Variants in RFX3 observed in about 807,000 individuals in gnomAD.
RFX3 encodes transcription factor RFX3.
Under a neutral mutation model 98.6 loss-of-function variants are expected in RFX3, and 14 were observed. The ratio of observed to expected loss-of-function variants is 0.14; its 90% CI spans 0.09 to 0.22. RFX3 has a LOEUF of 0.22. RFX3 is among the 10% of genes least tolerant of loss of function. RFX3 has a pLI of 1.00. For missense variants in RFX3, 639 were observed against 926.9 expected (o/e 0.69, Z 4.03); for synonymous variants, 383 against 328.4 (o/e 1.17, Z -1.80).
At chr9:3,243,417 A>G (rs1008320078) in intron 15 of RFX3, among the ~76,000 whole-genome samples, 1 of 151,974 alleles carries the variant, frequency 6.6e-6, no homozygotes, top group Non-Finnish European at 1.5e-5. Flanking sequence ...TTACAGGAAA[A>G]CTTCTTGGGA....
chr9:3,397,544 C>T (rs1841016537), intron 1 of RFX3, among the ~76,000 whole-genome samples: 1 of 152,152 alleles, frequency 6.6e-6, no homozygotes, highest in African/African-American at 2.4e-5. Context: ...GACAATGCAT[C>T]TATTCTTCTT....
Position 3,233,218 on chromosome 9 carries a change from T to C in RFX3, c.1969-4329A>G, listed in dbSNP as rs79300867. Among the ~76,000 whole-genome samples, 367 of 152,266 alleles carry C rather than the reference T, an allele frequency of 2.4e-3. 9 individuals carry two copies. The East Asian group carries it at 0.059, about 25-fold the overall frequency. ...TAAGACTAGCAATGTCCATGAAGTA[T>C]AAGTGGGCAACAGCTTAGCACAGCC... On this transcript the variant is annotated intron_variant, in intron 15 of 16. Coordinates refer to ENST00000617270, the MANE Select transcript of RFX3 (RefSeq NM_001282116.2).
At chr9:3,244,854 C>A (rs185739350) in intron 15 of RFX3, among the ~76,000 whole-genome samples, 6 of 152,138 alleles carry the variant, frequency 3.9e-5, no homozygotes, top group Non-Finnish European at 5.9e-5. Flanking sequence ...CTAAGCTCCT[C>A]GAAGGCTGGG....
intron 1 of RFX3, among the ~76,000 whole-genome samples, chr9:3,507,639 G>T (rs1027458177): frequency 6.6e-6 from 1 of 151,742 alleles, no homozygotes; most frequent in Non-Finnish European, 1.5e-5. Flanking sequence ...CTTAAAAAAG[G>T]GTGCCCAACT....
intron 13 of RFX3, among the ~76,000 whole-genome samples, 163 bp downstream of exon 13, chr9:3,262,772 A>G (rs113195423): frequency 4.3e-4 from 65 of 152,348 alleles, no homozygotes; most frequent in African/African-American, 1.4e-3. Flanking sequence ...ACATGGGAGC[A>G]CTACAGCTGT....
chr9:3,239,723 AAGAC>A (rs1819664298), intron 15 of RFX3, among the ~76,000 whole-genome samples: 1 of 152,154 alleles, frequency 6.6e-6, no homozygotes, highest in African/African-American at 2.4e-5. Flanking sequence ...CCTTTGGCCC[AAGAC>A]CCACACTATG....
At chr9:3,522,872 G>T (rs1259401139) in intron 1 of RFX3, among the ~76,000 whole-genome samples, 1 of 152,004 alleles carries the variant, frequency 6.6e-6, no homozygotes, top group Non-Finnish European at 1.5e-5. Flanking sequence ...ATAATAAATT[G>T]TTTAGGGTAA....
chr9:3,486,188 C>G (rs1288123209), intron 1 of RFX3, among the ~76,000 whole-genome samples: 1 of 135,362 alleles, frequency 7.4e-6, no homozygotes, highest in Non-Finnish European at 1.6e-5. Flanking sequence ...GAATTACTAA[C>G]TATTCTGGTC....
intron 7 of RFX3, among the ~76,000 whole-genome samples, chr9:3,280,996 G>A (rs76290846): frequency 0.057 from 8,690 of 151,738 alleles, 810 homozygotes; most frequent in African/African-American, 0.19. Flanking sequence ...ATGAATAAAT[G>A]TTTAAGGTAA....
At chr9:3,258,784 A>C (rs1822476365) in intron 13 of RFX3, among the ~76,000 whole-genome samples, 1 of 151,798 alleles carries the variant, frequency 6.6e-6, no homozygotes, top group African/African-American at 2.4e-5. Flanking sequence ...GCATATAGAA[A>C]TAATTTATGC....
chr9:3,481,486 T>TA (rs904463244), intron 1 of RFX3, among the ~76,000 whole-genome samples: 109 of 149,070 alleles, frequency 7.3e-4, no homozygotes, highest in East Asian at 2.7e-3. Context: ...GTACATTTTT[T>TA]AAAAAAAAAA....
In RFX3 at chr9:3,266,246, C is replaced by A; in HGVS notation, c.1417G>T (p.Ala473Ser). ...ATTCTCTGTGGAATATTGTTCATGG[C>A]ATTGGAAAGCCAACCTTCAAGGCTT... is the stretch of plus-strand genomic sequence containing the variant. ...AKSLEGWLSN[A>S]MNNIPQRMIQ... The change falls in exon 12 of 17, where the codon GCC (alanine) becomes TCC (serine). Residue 473 changes from alanine (A) to serine (S), a missense_variant. By Grantham distance (99) the Ala-to-Ser change is moderately conservative. Transcript: ENST00000617270. 1 of 1,610,960 alleles carries A rather than the reference C, an allele frequency of 6.2e-7. No homozygotes were observed. The highest frequency in any genetic ancestry group is 8.5e-7 in the Non-Finnish European group (1 of 1,177,988).
chr9:3,515,057 T>C (rs1818020815), intron 1 of RFX3, among the ~76,000 whole-genome samples: 1 of 152,194 alleles, frequency 6.6e-6, no homozygotes, highest in African/African-American at 2.4e-5. Flanking sequence ...TTATTTAAAA[T>C]AGCATAAATA....
At chr9:3,252,457 T>C (rs533705656) in intron 14 of RFX3, among the ~76,000 whole-genome samples, 41 of 152,278 alleles carry the variant, frequency 2.7e-4, no homozygotes, top group Admixed American at 2.6e-3. Flanking sequence ...AAATTCTTTC[T>C]GAGGAGGTGA....
chr9:3,274,148 T>C (rs984825584), intron 9 of RFX3, among the ~76,000 whole-genome samples: 3 of 152,188 alleles, frequency 2.0e-5, no homozygotes, highest in South Asian at 2.1e-4. Flanking sequence ...TTCTGGCACA[T>C]GTTGTGTTAA....
intron 1 of RFX3, among the ~76,000 whole-genome samples, chr9:3,467,133 T>TATATGTATATACATATATATAAGTAC (rs1564138983): frequency 7.0e-6 from 1 of 142,458 alleles, no homozygotes; most frequent in African/African-American, 2.7e-5. Flanking sequence ...TATGTAAGTA[T>TATATGTATATACATATATATAAGTAC]ATATGTATAT....
chr9:3,365,684 CAG>C (rs1017563568), intron 2 of RFX3, among the ~76,000 whole-genome samples: 9 of 152,098 alleles, frequency 5.9e-5, no homozygotes, highest in African/African-American at 9.7e-5. Flanking sequence ...TATATAAACA[CAG>C]TTTCATAAAG....
chr9:3,370,734 AAT>A (rs1209132039), intron 2 of RFX3, among the ~76,000 whole-genome samples: 1 of 152,146 alleles, frequency 6.6e-6, no homozygotes, highest in Non-Finnish European at 1.5e-5. Flanking sequence ...AAGTATACAA[AAT>A]ATTTCTCCTT....
intron 1 of RFX3, among the ~76,000 whole-genome samples, chr9:3,420,049 C>CT (rs1190954965): frequency 6.6e-6 from 1 of 152,172 alleles, no homozygotes; most frequent in East Asian, 1.9e-4. Flanking sequence ...GGGAGACTAG[C>CT]TAAATGTGGC....
Sources: allele counts gnomAD v4.1 joint callset (sites outside exome capture counted in the v4.1 genomes callset), GRCh38; gene constraint gnomAD v4.1.1; transcripts MANE v1.5; gene names NCBI Gene and HGNC (gene_info 2026-07-23, HGNC 2026-07-21).